KIF13B: variants seen among roughly 807,000 people sequenced by gnomAD.
The protein encoded by KIF13B is kinesin family member 13B, also known as kinesin-like protein KIF13B.
Under a neutral mutation model 222.0 loss-of-function variants are expected in KIF13B, and 127 were observed. The ratio of observed to expected loss-of-function variants is 0.57; its 90% CI spans 0.50 to 0.66. The LOEUF is 0.66. KIF13B is among the 30% of genes least tolerant of loss of function. KIF13B has a pLI of 0.00. For missense variants in KIF13B, 2,173 were observed against 2,379.0 expected (o/e 0.91, Z 1.80); for synonymous variants, 976 against 919.0 (o/e 1.06, Z -1.12).
chr8:29,168,177 T>C (rs890832738), intron 10 of KIF13B, among the ~76,000 whole-genome samples: 2 of 152,228 alleles, frequency 1.3e-5, no homozygotes, highest in Non-Finnish European at 2.9e-5. Context: ...GCTACTAAGA[T>C]TGCAAGTTCT....
chr8:29,239,934 A>C (rs2130626661), intron 2 of KIF13B, among the ~76,000 whole-genome samples: 1 of 151,824 alleles, frequency 6.6e-6, no homozygotes, highest in South Asian at 2.1e-4. Flanking sequence ...AACTGCTGGG[A>C]TTACAGGCAT....
chr8:29,166,920 T>C (rs1812027281), intron 11 of KIF13B, among the ~76,000 whole-genome samples: 1 of 152,142 alleles, frequency 6.6e-6, no homozygotes, highest in East Asian at 1.9e-4. Flanking sequence ...ACGTAATTAA[T>C]CCACAACATG....
At position 29,129,379 on chromosome 8, in the gene KIF13B, A is replaced by G. The variant is rs1473040854; in HGVS notation, c.3075+1154T>C. Among the ~76,000 whole-genome samples the G allele has an allele frequency of 2.0e-5, 3 of 152,204 alleles. No homozygotes were observed. In the East Asian group the frequency reaches 5.8e-4, roughly 29 times the overall value. ...CTTAAGAATTCTATTTTATGTGTAC[A>G]ACACATGCTTTAATTTAAACTAATC... On this transcript the variant is annotated intron_variant, in intron 24 of 39. Coordinates refer to ENST00000524189, the MANE Select transcript of KIF13B (RefSeq NM_015254.4).
chr8:29,074,650 G>A (rs930896562), intron 38 of KIF13B, among the ~76,000 whole-genome samples: 5 of 152,234 alleles, frequency 3.3e-5, no homozygotes, highest in East Asian at 1.9e-4. Flanking sequence ...CCCCGATCCC[G>A]GCCACAGCAA....
intron 2 of KIF13B, among the ~76,000 whole-genome samples, chr8:29,206,381 C>T (rs1336409942): frequency 6.6e-6 from 1 of 152,206 alleles, no homozygotes; most frequent in Non-Finnish European, 1.5e-5. Context: ...GATGCAATGT[C>T]TTGGGGTTAA....
chr8:29,218,614 G>A (rs1224710929), intron 2 of KIF13B, among the ~76,000 whole-genome samples: 6 of 152,228 alleles, frequency 3.9e-5, no homozygotes, highest in African/African-American at 7.2e-5. Context: ...AGAATGGCAC[G>A]GCTAAGAATT....
intron 15 of KIF13B, among the ~76,000 whole-genome samples, chr8:29,149,067 A>T (rs963785803): frequency 2.0e-5 from 3 of 152,210 alleles, no homozygotes; most frequent in Non-Finnish European, 2.9e-5. Context: ...AATCATTTGA[A>T]CTGAGTCTTC....
chr8:29,233,351 G>A (rs139815525), intron 2 of KIF13B, among the ~76,000 whole-genome samples: 2,336 of 152,284 alleles, frequency 0.015, 38 homozygotes, highest in African/African-American at 0.038. Context: ...AAGCTGGAAC[G>A]CTGAACTTAT....
At chr8:29,150,516 T>C (rs1013395147) in intron 14 of KIF13B, 133 bp from the exon 15 acceptor site, 46 of 572,996 alleles carry the variant, frequency 8.0e-5, no homozygotes, top group African/African-American at 5.8e-4. Flanking sequence ...TCTTGGTGAA[T>C]TTTAATATTT....
At chr8:29,226,451 T>A (rs1013289574) in intron 2 of KIF13B, among the ~76,000 whole-genome samples, 1 of 152,178 alleles carries the variant, frequency 6.6e-6, no homozygotes, top group South Asian at 2.1e-4. Flanking sequence ...ATTTGTAGCA[T>A]GGGAGCCCTT....
chr8:29,132,337 G>C lies in KIF13B; in HGVS notation c.2913C>G (p.Ile971Met). 1 of 1,574,288 alleles carries C rather than the reference G, an allele frequency of 6.4e-7. No individual in the cohort carries two copies. Among genetic ancestry groups the C allele is most frequent in the South Asian group, 1.2e-5 (1 of 84,544 alleles). ...CCCGAAGACTACGTGTCTTTGCTTG[G>C]ATGATTCCCAAATCCCACAGGGCGG... ...KNPALWDLGI[I>M]QAKTRSLRDR... is the part of the protein sequence containing the mutation. Residue 971 changes from isoleucine to methionine, a missense_variant, in exon 23 of 40, where the codon ATC becomes ATG. By Grantham distance (10) the Ile-to-Met change is conservative. Coordinates refer to ENST00000524189, the MANE Select transcript of KIF13B (RefSeq NM_015254.4).
intron 18 of KIF13B, among the ~76,000 whole-genome samples, chr8:29,144,283 C>T (rs1013174746): frequency 5.3e-5 from 8 of 151,898 alleles, no homozygotes. Flanking sequence ...TTAATTGAGA[C>T]AGAGTCTCTT....
At chr8:29,254,749 T>C (rs768374679) in intron 1 of KIF13B, among the ~76,000 whole-genome samples, 2 of 152,244 alleles carry the variant, frequency 1.3e-5, no homozygotes, top group Non-Finnish European at 2.9e-5. Context: ...TCCTCAAAAG[T>C]TAGTTACTAT....
intron 1 of KIF13B, among the ~76,000 whole-genome samples, chr8:29,255,645 G>A (rs1816446405): frequency 6.6e-6 from 1 of 152,036 alleles, no homozygotes; most frequent in East Asian, 1.9e-4. Context: ...TTTCTCAGAG[G>A]AATGTTCTTG....
intron 3 of KIF13B, among the ~76,000 whole-genome samples, chr8:29,193,086 C>G (rs1813260472): frequency 6.6e-6 from 1 of 152,084 alleles, no homozygotes; most frequent in South Asian, 2.1e-4. Context: ...ACCTGCATCT[C>G]TGTGTGAAAC....
intron 9 of KIF13B, among the ~76,000 whole-genome samples, chr8:29,177,181 C>G (rs77204860): frequency 4.2e-4 from 63 of 151,708 alleles, no homozygotes; most frequent in African/African-American, 1.5e-3. Context: ...TGGGGAGAAG[C>G]CAGGGATGCG....
In KIF13B at chr8:29,095,249, C is replaced by A. The variant is rs549502803; in HGVS notation, c.4325-2371G>T. On this transcript the variant is annotated intron_variant, in intron 36 of 39. Transcript: ENST00000524189. The stretch of plus-strand genomic sequence containing the variant: ...AACTTCTGAAAGTAGGTGAACCAAA[C>A]AAAGATACCACACTGAGTGGGAGGT... 2.9e-4 allele frequency among the ~76,000 whole-genome samples: 44 copies of A among 152,214 alleles called. 1 individual carries two copies. The South Asian group carries it at 9.1e-3, about 32-fold the overall frequency.
intron 2 of KIF13B, among the ~76,000 whole-genome samples, chr8:29,231,368 A>G (rs1251535964): frequency 6.6e-6 from 1 of 152,232 alleles, no homozygotes; most frequent in Non-Finnish European, 1.5e-5. Flanking sequence ...ACGAAATCAT[A>G]CCAAATGTGT....
chr8:29,228,960 T>C (rs1399200834), intron 2 of KIF13B, among the ~76,000 whole-genome samples: 3 of 152,148 alleles, frequency 2.0e-5, no homozygotes. Context: ...CTTTTGTTTA[T>C]CAGTGTTTTC....
Sources: allele counts gnomAD v4.1 joint callset (sites outside exome capture counted in the v4.1 genomes callset), GRCh38; gene constraint gnomAD v4.1.1; transcripts MANE v1.5; gene names NCBI Gene and HGNC (gene_info 2026-07-23, HGNC 2026-07-21).